The following SLC16A7 variants were observed in gnomAD, a reference collection of about 807,000 sequenced individuals.
The protein encoded by SLC16A7 is monocarboxylate transporter 2.
In SLC16A7, 33 loss-of-function variants were observed where a neutral mutation model predicts 34.9. The ratio of observed to expected loss-of-function variants is 0.94; its 90% CI spans 0.72 to 1.26. The LOEUF is 1.26. Ranked by LOEUF, SLC16A7 falls within the 50% of genes most tolerant of loss-of-function variation. SLC16A7 has a pLI of 0.00. For synonymous variants in SLC16A7, 201 were observed against 206.6 expected (o/e 0.97, Z 0.23); for missense variants, 573 against 578.1 (o/e 0.99, Z 0.09).
chr12:59,719,930 C>A, intron 3 of SLC16A7: 1 of 562,074 alleles, frequency 1.8e-6, no homozygotes, highest in Non-Finnish European at 3.1e-6. Flanking sequence ...GTGGTGGAAC[C>A]TTAGCTATTA....
In SLC16A7 at chr12:59,781,669, C is replaced by A. The variant is rs1046461553; in HGVS notation, c.*1990C>A. 1.3e-5 allele frequency: 2 copies of A among 152,434 alleles called. No homozygotes were observed. Among genetic ancestry groups the A allele is most frequent in the Non-Finnish European group, 2.9e-5 (2 of 67,988 alleles). The allele number at this position is 152,434 out of a possible 1,614,324, so 9.4% of individuals were successfully genotyped here. On this transcript the variant is annotated 3_prime_UTR_variant, in exon 6 of 6. Transcript: ENST00000547379. ...AATTTAGTTTCACCCGATCTTGATT[C>A]TTGAATTAGCTATGTTTATATTTTT...
chr12:59,691,777 T>C (rs1173319996), intron 2 of SLC16A7, among the ~76,000 whole-genome samples: 1 of 152,088 alleles, frequency 6.6e-6, no homozygotes, highest in African/African-American at 2.4e-5. Context: ...TAACACTTTT[T>C]ATGAATGTAC....
chr12:59,762,621 C>G (rs1269274183), intron 3 of SLC16A7, among the ~76,000 whole-genome samples: 1 of 151,926 alleles, frequency 6.6e-6, no homozygotes, highest in African/African-American at 2.4e-5. Flanking sequence ...GAAACAGTAA[C>G]TTCTTTCTAA....
At chr12:59,705,330 A>C (rs991652000) in intron 3 of SLC16A7, among the ~76,000 whole-genome samples, 2 of 152,188 alleles carry the variant, frequency 1.3e-5, no homozygotes, top group African/African-American at 2.4e-5. Context: ...AGTCCACAAC[A>C]TATTGCTGAT....
intron 1 of SLC16A7, among the ~76,000 whole-genome samples, chr12:59,621,314 C>T (rs374914495): frequency 9.2e-5 from 14 of 151,942 alleles, no homozygotes; most frequent in African/African-American, 3.4e-4. Context: ...GAACCCCATC[C>T]GAAAGCTGAA....
chr12:59,764,744 T>G (rs1469263366), intron 3 of SLC16A7, among the ~76,000 whole-genome samples: 3 of 152,182 alleles, frequency 2.0e-5, no homozygotes, highest in Non-Finnish European at 4.4e-5. Flanking sequence ...GTTGGACATT[T>G]GGGTTGGTTC....
At chr12:59,727,880 A>G (rs1876475362) in intron 3 of SLC16A7, among the ~76,000 whole-genome samples, 2 of 152,166 alleles carry the variant, frequency 1.3e-5, no homozygotes, top group South Asian at 4.1e-4. Flanking sequence ...AAGGTGGAAT[A>G]TGACAAAAAA....
intron 5 of SLC16A7, among the ~76,000 whole-genome samples, chr12:59,777,524 A>G (rs960675933): frequency 6.6e-6 from 1 of 152,122 alleles, no homozygotes. Context: ...CCTCTCAGAA[A>G]GAATTGAAGC....
chr12:59,738,533 C>A (rs543721336), intron 3 of SLC16A7, among the ~76,000 whole-genome samples: 5 of 152,286 alleles, frequency 3.3e-5, no homozygotes, highest in African/African-American at 9.6e-5. Context: ...GACCAAGTCT[C>A]TGTCCTTGTT....
intron 2 of SLC16A7, among the ~76,000 whole-genome samples, chr12:59,698,755 C>G (rs986180970): frequency 6.6e-6 from 1 of 151,710 alleles, no homozygotes; most frequent in Non-Finnish European, 1.5e-5. Context: ...ATGGAGTACT[C>G]TGTAGAAATG....
At chr12:59,767,012 T>C (rs1364717222) in intron 3 of SLC16A7, among the ~76,000 whole-genome samples, 1 of 152,098 alleles carries the variant, frequency 6.6e-6, no homozygotes, top group Non-Finnish European at 1.5e-5. Context: ...ATTCAGAGCC[T>C]GTTATTGATC....
chr12:59,760,661 G>A (rs1374685354), intron 3 of SLC16A7, among the ~76,000 whole-genome samples: 1 of 152,030 alleles, frequency 6.6e-6, no homozygotes, highest in African/African-American at 2.4e-5. Context: ...AACTAAGAGG[G>A]CTGCTAAGTA....
chr12:59,683,066 T>TG (rs1011665370), intron 2 of SLC16A7, among the ~76,000 whole-genome samples: 3 of 150,100 alleles, frequency 2.0e-5, no homozygotes, highest in African/African-American at 7.4e-5. Flanking sequence ...AACTCTGTCT[T>TG]GAAAAAAAAA....
intron 2 of SLC16A7, among the ~76,000 whole-genome samples, chr12:59,698,563 T>C (rs1307276186): frequency 1.3e-5 from 2 of 151,856 alleles, no homozygotes; most frequent in African/African-American, 4.8e-5. Context: ...CTGATCATGA[T>C]TGTACAGTTT....
intron 3 of SLC16A7, among the ~76,000 whole-genome samples, chr12:59,707,750 T>C (rs1325869938): frequency 1.3e-5 from 2 of 152,130 alleles, no homozygotes; most frequent in South Asian, 4.1e-4. Context: ...TAGTAATTGA[T>C]GAAGGCAATA....
At chr12:59,745,102 C>G (rs1404217569) in intron 3 of SLC16A7, among the ~76,000 whole-genome samples, 1 of 152,192 alleles carries the variant, frequency 6.6e-6, no homozygotes, top group Non-Finnish European at 1.5e-5. Flanking sequence ...CACCCCTCCC[C>G]TCATCTCCCT....
chr12:59,779,550 G>C lies in SLC16A7; in HGVS notation c.1308G>C (p.Arg436Ser), dbSNP rs1346953563. The C allele has an allele frequency of 1.2e-6, 2 of 1,612,880 alleles. No individual in the cohort carries two copies. The highest frequency in any genetic ancestry group is 1.3e-5 in the African/African-American group (1 of 74,840). The part of the protein sequence containing the change: ...AINYRLLAKE[R>S]KEENARQKTR... ...ACTATAGATTGCTTGCAAAGGAAAG[G>C]AAGGAGGAAAATGCAAGGCAGAAGA... is the stretch of plus-strand genomic sequence containing the variant. The change falls in exon 6 of 6, where the codon AGG (arginine) becomes AGC (serine). Residue 436 changes from arginine (R) to serine (S), a missense_variant. Transcript: ENST00000547379.
rs1237265453 is a variant in SLC16A7, at chr12:59,704,869, T to C, written c.68T>C (p.Val23Ala). 1 of 1,613,834 alleles carries C rather than the reference T, an allele frequency of 6.2e-7. No individual in the cohort carries two copies. Residue 23 changes from valine (V) to alanine (A), a missense_variant, in exon 3 of 6, where the codon GTT becomes GCT. Coordinates refer to ENST00000547379, the MANE Select transcript of SLC16A7 (RefSeq NM_001270623.2). ...GATGGAGGATGGGGTTGGATTGTGGTTGGAGCAGCTTTTATCTCCATTGGA... is the reference window on the plus strand; with the variant it reads ...GATGGAGGATGGGGTTGGATTGTGGCTGGAGCAGCTTTTATCTCCATTGGA... ...PPDGGWGWIV[V>A]GAAFISIGFS...
chr12:59,771,701 C>T (rs1164648246), intron 4 of SLC16A7, among the ~76,000 whole-genome samples: 1 of 151,992 alleles, frequency 6.6e-6, no homozygotes, highest in Non-Finnish European at 1.5e-5. Context: ...AAATAAATAC[C>T]TTCGTTATTA....
Sources: allele counts gnomAD v4.1 joint callset (sites outside exome capture counted in the v4.1 genomes callset), GRCh38; gene constraint gnomAD v4.1.1; transcripts MANE v1.5; gene names NCBI Gene and HGNC (gene_info 2026-07-23, HGNC 2026-07-21).